Variants in TANGO6 observed in about 807,000 individuals in gnomAD.
TANGO6 encodes the protein transport and golgi organization 6 homolog, also known as transport and Golgi organization protein 6 homolog.
TANGO6 carries 90 observed loss-of-function variants against 114.2 expected under a neutral mutation model. The ratio of observed to expected loss-of-function variants is 0.79; its 90% CI spans 0.66 to 0.94. The LOEUF (loss-of-function observed/expected upper bound fraction) is 0.94, where lower values mean the gene tolerates loss of function less well. Ranked by LOEUF, TANGO6 falls within the 40% of genes least tolerant of loss-of-function variation. The pLI, the probability that TANGO6 is intolerant of heterozygous loss-of-function variation, is 0.00. For synonymous variants in TANGO6, 477 were observed against 509.8 expected, an observed-to-expected ratio of 0.94 and a Z score of 0.87; for missense variants, 1,274 against 1,315.3, an observed-to-expected ratio of 0.97 and a Z score of 0.49.
chr16:68,921,104 G>T, intron 12 of TANGO6, among the ~76,000 whole-genome samples: 1 of 138,508 alleles, frequency 7.2e-6, no homozygotes, highest in Admixed American at 7.2e-5. Flanking sequence ...GGGCAACAGA[G>T]CGAGACTCTG....
At chr16:68,877,570 T>G (rs1962385086) in intron 5 of TANGO6, among the ~76,000 whole-genome samples, 1 of 151,798 alleles carries the variant, frequency 6.6e-6, no homozygotes. Context: ...TTTGATAAAA[T>G]TATTTAATAA....
At chr16:68,859,737 G>T in intron 1 of TANGO6, 147 bp from the exon 2 acceptor site, 1 of 821,912 alleles carries the variant, frequency 1.2e-6, no homozygotes. Flanking sequence ...CATAGGCTGG[G>T]TTGGTACCCC....
intron 17 of TANGO6, among the ~76,000 whole-genome samples, chr16:69,067,207 A>G (rs965939355): frequency 6.6e-6 from 1 of 151,022 alleles, no homozygotes; most frequent in Non-Finnish European, 1.5e-5. Context: ...TACAAAAAAA[A>G]TTTTTTTTTT....
chr16:68,984,390 C>G (rs1963871898), intron 15 of TANGO6, among the ~76,000 whole-genome samples: 1 of 152,196 alleles, frequency 6.6e-6, no homozygotes, highest in Non-Finnish European at 1.5e-5. Flanking sequence ...GACTAAGTAA[C>G]TATTTTTCCT....
intron 13 of TANGO6, among the ~76,000 whole-genome samples, chr16:68,928,786 T>G (rs556551004): frequency 8.5e-5 from 13 of 152,346 alleles, no homozygotes; most frequent in African/African-American, 2.9e-4. Flanking sequence ...TAAATAGGTC[T>G]GCTTCAACAC....
chr16:68,866,975 C>CTTT lies in TANGO6; in HGVS notation c.853-81_853-79dup, dbSNP rs536677611. 1.4e-3 allele frequency: 311 copies of CTTT among 227,416 alleles called. 6 individuals are homozygous for CTTT. Among genetic ancestry groups the CTTT allele is most frequent in the Non-Finnish European group, 1.7e-3 (212 of 123,878 alleles). The allele number at this position is 227,416 out of a possible 1,614,324, so 14.1% of individuals were successfully genotyped here. ...AGTCTGCATATCATAGCTATTTCTC[C>CTTT]TTTTTTTTTTTTTTTTTTTTTTTTT... On this transcript the variant is annotated intron_variant, in intron 3 of 17. Transcript: ENST00000261778.
At chr16:69,073,128 G>C (rs1376136511) in intron 17 of TANGO6, among the ~76,000 whole-genome samples, 1 of 151,966 alleles carries the variant, frequency 6.6e-6, no homozygotes. Context: ...TAATCCATTG[G>C]AGAGAGTGTT....
intron 9 of TANGO6, among the ~76,000 whole-genome samples, chr16:68,905,770 G>A (rs962324143): frequency 6.6e-6 from 1 of 152,058 alleles, no homozygotes; most frequent in Non-Finnish European, 1.5e-5. Flanking sequence ...CTACTTAGGA[G>A]GCTGAAGTGG....
intron 17 of TANGO6, among the ~76,000 whole-genome samples, chr16:69,066,792 T>C (rs1312822084): frequency 6.6e-6 from 1 of 152,086 alleles, no homozygotes; most frequent in Non-Finnish European, 1.5e-5. Flanking sequence ...TCCATGGTAG[T>C]GAAAATAATA....
intron 11 of TANGO6, 99 bp from the exon 12 acceptor site, chr16:68,918,986 T>C: frequency 1.4e-6 from 2 of 1,390,970 alleles, no homozygotes; most frequent in Non-Finnish European, 1.9e-6. Flanking sequence ...GCTATCATGA[T>C]GTAGATGAAG....
chr16:68,941,319 G>T (rs557395035), intron 14 of TANGO6, among the ~76,000 whole-genome samples: 1 of 152,058 alleles, frequency 6.6e-6, no homozygotes, highest in East Asian at 1.9e-4. Flanking sequence ...AAGTAACAAT[G>T]TTTTAAATAA....
At chr16:68,894,991 T>G (rs1019033451) in intron 7 of TANGO6, among the ~76,000 whole-genome samples, 4 of 152,184 alleles carry the variant, frequency 2.6e-5, no homozygotes, top group Non-Finnish European at 4.4e-5. Context: ...TTCTGCCCTT[T>G]GCTAACAATG....
chr16:69,044,157 C>T lies in TANGO6; in HGVS notation c.3108+3736C>T, dbSNP rs141582700. ...TCGGCTTACTGCAACCTCCACCTCC[C>T]GGGTTCAAGCAATTCTCATGCTTCG... On this transcript the variant is annotated intron_variant, in intron 17 of 17. Coordinates refer to ENST00000261778, the MANE Select transcript of TANGO6 (RefSeq NM_024562.2). Among the ~76,000 whole-genome samples, 1,220 of 152,194 alleles carry T rather than the reference C, an allele frequency of 8.0e-3. 18 individuals carry two copies. Among genetic ancestry groups the T allele is most frequent in the African/African-American group, 0.027 (1,135 of 41,544 alleles).
At chr16:68,947,110 T>C (rs936024138) in intron 14 of TANGO6, among the ~76,000 whole-genome samples, 1 of 152,168 alleles carries the variant, frequency 6.6e-6, no homozygotes, top group Non-Finnish European at 1.5e-5. Context: ...GTATGCTAGG[T>C]TACTTCTCTA....
chr16:68,851,719 T>C (rs979223737), intron 1 of TANGO6, among the ~76,000 whole-genome samples: 1 of 152,228 alleles, frequency 6.6e-6, no homozygotes, highest in Non-Finnish European at 1.5e-5. Flanking sequence ...GAAATGCCTA[T>C]GTAATTTTGC....
intron 17 of TANGO6, among the ~76,000 whole-genome samples, chr16:69,064,443 G>T (rs1422950386): frequency 1.3e-5 from 2 of 152,116 alleles, no homozygotes; most frequent in East Asian, 3.9e-4. Flanking sequence ...AAGCAAACTG[G>T]CATCCTAAAG....
At chr16:68,923,834 G>A (rs546941302) in intron 12 of TANGO6, among the ~76,000 whole-genome samples, 14 of 135,046 alleles carry the variant, frequency 1.0e-4, no homozygotes, top group African/African-American at 4.2e-4. Flanking sequence ...GTTTTGTTTT[G>A]TTTTGTTTTT....
At chr16:68,912,346 A>G (rs1320958011) in intron 11 of TANGO6, among the ~76,000 whole-genome samples, 1 of 152,044 alleles carries the variant, frequency 6.6e-6, no homozygotes, top group Non-Finnish European at 1.5e-5. Context: ...GAAAATACAA[A>G]AACTAGACCG....
chr16:68,968,169 G>C (rs1963664046), intron 14 of TANGO6, among the ~76,000 whole-genome samples: 3 of 151,912 alleles, frequency 2.0e-5, no homozygotes. Context: ...GGATTCAAGA[G>C]ATTCTCCTGC....
Sources: gnomAD v4.1 joint callset for allele counts (sites outside exome capture counted in the v4.1 genomes callset) on GRCh38, gnomAD v4.1.1 for gene constraint, MANE v1.5 for transcripts, NCBI Gene and HGNC (gene_info 2026-07-23, HGNC 2026-07-21) for gene names.